Variants in KRT86 observed in about 807,000 individuals in gnomAD.
The protein encoded by KRT86 is keratin, type II cuticular Hb6.
In KRT86, 30 loss-of-function variants were observed where a neutral mutation model predicts 41.2. The ratio of observed to expected loss-of-function variants is 0.73; its 90% confidence interval spans 0.54 to 0.99. The LOEUF (loss-of-function observed/expected upper bound fraction) is 0.99, where lower values mean the gene tolerates loss of function less well. Among genes scored for constraint, KRT86 ranks in the 50% least tolerant of loss-of-function variants. The pLI is 0.00. For missense variants in KRT86, 561 were observed against 571.4 expected (o/e 0.98, Z 0.19); for synonymous variants, 238 against 238.1 (o/e 1.00, Z 0.00).
At position 52,275,816 on chromosome 12, in the gene KRT86, C is replaced by T. The variant is rs1362245733; in HGVS notation, c.-130-5C>T. The T allele has an allele frequency of 6.1e-6, 6 of 985,786 alleles. No homozygotes were observed. The highest frequency in any genetic ancestry group is 1.7e-5 in the African/African-American group (1 of 57,254). 61.1% of individuals were successfully genotyped at this position (985,786 alleles called of 1,614,324 possible). A position where few individuals can be genotyped will look rare whatever the true frequency, so the allele number is the denominator to read the frequency against. On this transcript the variant is annotated splice_region_variant and splice_polypyrimidine_tract_variant and intron_variant, in intron 1 of 10. Transcript: ENST00000423955. Reference sequence around the variant, plus strand: ...TACAGCTCCCCTCTGCCGTCTGCTCCACAGTGTGAGGAATTAAAGGCAACT... The same window carrying T: ...TACAGCTCCCCTCTGCCGTCTGCTCTACAGTGTGAGGAATTAAAGGCAACT...
At chr12:52,287,942 C>T (rs1938007611) in intron 2 of KRT86, 3 of 1,613,986 alleles carry the variant, frequency 1.9e-6, no homozygotes, top group Non-Finnish European at 2.5e-6. Flanking sequence ...TCACATCCCT[C>T]CCACTGACAC....
intron 1 of KRT86, chr12:52,274,970 G>A (rs1942537623): frequency 1.3e-5 from 2 of 152,600 alleles, no homozygotes; most frequent in African/African-American, 4.8e-5. Context: ...TATAACCTTG[G>A]TGGAGAGCAA....
At chr12:52,278,442 T>G (rs1937691328) in intron 2 of KRT86, among the ~76,000 whole-genome samples, 1 of 150,450 alleles carries the variant, frequency 6.6e-6, no homozygotes, top group Admixed American at 6.6e-5. Flanking sequence ...AGTGTAGTTT[T>G]TTTTTTTTTT....
chr12:52,307,037 C>A (rs1364142899), intron 9 of KRT86: 2 of 150,064 alleles, frequency 1.3e-5, no homozygotes, highest in African/African-American at 2.5e-5. Flanking sequence ...GTTGGTCTCA[C>A]TCGAAGCTCC....
chr12:52,283,258 G>GC (rs1937818768), intron 2 of KRT86, among the ~76,000 whole-genome samples: 2 of 50 alleles, frequency 0.04, no homozygotes, highest in Non-Finnish European at 0.067. Flanking sequence ...GCCCGGTGTG[G>GC]TGCAGGCACC....
intron 2 of KRT86, among the ~76,000 whole-genome samples, chr12:52,278,769 C>T (rs1284421590): frequency 6.6e-6 from 1 of 152,042 alleles, no homozygotes; most frequent in Non-Finnish European, 1.5e-5. Context: ...CACACCTTGG[C>T]GTGCCTCCTC....
At position 52,306,089 on chromosome 12, in the gene KRT86, G is replaced by A; in HGVS notation, c.1056G>A (p.Gln352=). The A allele has an allele frequency of 6.2e-7, 1 of 1,614,070 alleles. No individual in the cohort carries two copies. Among genetic ancestry groups the A allele is most frequent in the Non-Finnish European group, 8.5e-7 (1 of 1,180,046 alleles). Residue 352 remains glutamine, a synonymous_variant, in exon 9 of 11, where the codon CAG becomes CAA. Coordinates refer to ENST00000423955, the MANE Select transcript of KRT86 (RefSeq NM_001320198.2). The part of the protein sequence containing the change: ...QNSKLEAAVA[Q]SEQQGEAALS... ...CCAAGCTGGAGGCTGCGGTGGCTCA[G>A]TCTGAGCAGCAGGGTGAGGCGGCCC...
intron 2 of KRT86, among the ~76,000 whole-genome samples, chr12:52,292,638 C>T (rs1354821352): frequency 1.3e-5 from 2 of 151,914 alleles, no homozygotes; most frequent in African/African-American, 4.8e-5. Flanking sequence ...CCTTATTAGA[C>T]AGTGCATATA....
chr12:52,280,391 C>T (rs1937745222), intron 2 of KRT86, among the ~76,000 whole-genome samples: 1 of 152,232 alleles, frequency 6.6e-6, no homozygotes, highest in African/African-American at 2.4e-5. Context: ...AGTGAGCCCA[C>T]ATTCCTTTCT....
At chr12:52,291,516 C>A (rs1364054507) in intron 2 of KRT86, 3 of 1,605,350 alleles carry the variant, frequency 1.9e-6, no homozygotes, top group South Asian at 2.2e-5. Context: ...GACCTGGAGT[C>A]CTGATGGAAA....
chr12:52,282,143 A>G (rs924121321), intron 2 of KRT86, among the ~76,000 whole-genome samples: 3 of 152,178 alleles, frequency 2.0e-5, no homozygotes, highest in Non-Finnish European at 4.4e-5. Context: ...GTATTGCTGC[A>G]TGTAAAGTGC....
chr12:52,300,165 T>C (rs1403420576), intron 2 of KRT86, among the ~76,000 whole-genome samples: 1 of 152,238 alleles, frequency 6.6e-6, no homozygotes, highest in African/African-American at 2.4e-5. Context: ...GCAACTATAA[T>C]AAGAAATAAT....
intron 2 of KRT86, chr12:52,291,617 C>G: frequency 8.0e-7 from 1 of 1,242,682 alleles, no homozygotes; most frequent in Non-Finnish European, 1.1e-6. Context: ...GCAATTTGCG[C>G]TTTATGGGCT....
chr12:52,282,755 C>A (rs1372809948), intron 2 of KRT86, among the ~76,000 whole-genome samples: 1 of 152,234 alleles, frequency 6.6e-6, no homozygotes, highest in African/African-American at 2.4e-5. Flanking sequence ...CCATCGGTGA[C>A]CCCTACCTCA....
intron 6 of KRT86, 65 bp downstream of exon 6, chr12:52,305,092 G>T: frequency 3.7e-6 from 6 of 1,609,634 alleles, no homozygotes; most frequent in Non-Finnish European, 5.1e-6. Flanking sequence ...GGGTGGGAGT[G>T]TTGGACAGGA....
At chr12:52,280,916 T>C (rs139613677) in intron 2 of KRT86, among the ~76,000 whole-genome samples, 2 of 152,212 alleles carry the variant, frequency 1.3e-5, no homozygotes, top group African/African-American at 4.8e-5. Flanking sequence ...ATGTACATTC[T>C]GCAACCTGCG....
In KRT86 at chr12:52,306,268, G is replaced by T. The variant is rs775487582; in HGVS notation, c.1235G>T (p.Gly412Val). ...GCCACCTACAGGCGCCTGCTGGAGG[G>T]CGAGGAGCAGAGGTGGGTCCCATAG... ...EIATYRRLLE[G>V]EEQRLCEGVG... is the part of the protein sequence containing the mutation. The change falls in exon 9 of 11, where the codon GGC becomes GTC. Residue 412 changes from glycine (G) to valine (V), a missense_variant. Physicochemically the swap from Gly to Val is moderately radical, Grantham distance 109. This residue lies in a region of KRT86 where 397 missense variants were observed against 375.9 expected (regional missense o/e 1.06). Transcript: ENST00000423955. 1.9e-6 allele frequency: 3 copies of T among 1,613,494 alleles called. No individual in the cohort carries two copies. The highest frequency in any genetic ancestry group is 1.7e-6 in the Non-Finnish European group (2 of 1,180,030).
At position 52,291,761 on chromosome 12, in the gene KRT86, C is replaced by T. The variant is rs3809176; in HGVS notation, c.-4-10152C>T. On this transcript the variant is annotated intron_variant, in intron 2 of 10. Transcript: ENST00000423955. ...CATGTTTCATCTTCAAAGTGTCTTG[C>T]CAGCAGGGCATTCCTTCATCTGCAG... Among the ~76,000 whole-genome samples, 22,488 of 147,000 alleles carry T rather than the reference C, an allele frequency of 0.15. 1,972 individuals carry two copies. Among genetic ancestry groups the T allele is most frequent in the Non-Finnish European group, 0.2 (13,767 of 67,882 alleles).
intron 2 of KRT86, among the ~76,000 whole-genome samples, chr12:52,280,782 TG>T: frequency 6.6e-6 from 1 of 152,360 alleles, no homozygotes; most frequent in East Asian, 1.9e-4. Context: ...TCCAGCTCTG[TG>T]CTCCTTGCAT....
Sources: allele counts gnomAD v4.1 joint callset (sites outside exome capture counted in the v4.1 genomes callset), GRCh38; gene constraint gnomAD v4.1.1; regional missense constraint gnomAD v4.1.1; transcripts MANE v1.5; gene names NCBI Gene and HGNC (gene_info 2026-07-23, HGNC 2026-07-21).